CACNA1B: variants seen among roughly 807,000 people sequenced by gnomAD.
CACNA1B encodes the protein calcium voltage-gated channel subunit alpha1 B.
Under a neutral mutation model 247.2 loss-of-function variants are expected in CACNA1B, and 70 were observed. The observed-to-expected ratio is 0.28, with a 90% CI of 0.23 to 0.35. The LOEUF is 0.35. CACNA1B is among the 10% of genes least tolerant of loss of function. The pLI is 1.00. For missense variants in CACNA1B, 2,367 were observed against 3,197.4 expected (o/e 0.74, Z 6.26); for synonymous variants, 1,231 against 1,294.4 (o/e 0.95, Z 1.05).
At chr9:137,945,754 CTT>C (rs1355842655) in intron 6 of CACNA1B, among the ~76,000 whole-genome samples, 1 of 152,196 alleles carries the variant, frequency 6.6e-6, no homozygotes, top group Non-Finnish European at 1.5e-5. Context: ...TTTCACAAAT[CTT>C]TTTCACGACT....
At chr9:138,075,664 A>G (rs1960289523) in intron 34 of CACNA1B, among the ~76,000 whole-genome samples, 155 bp from the exon 35 acceptor site, 1 of 152,198 alleles carries the variant, frequency 6.6e-6, no homozygotes, top group African/African-American at 2.4e-5. Context: ...GGGAATGCAC[A>G]CTGGCCTCTC....
intron 6 of CACNA1B, among the ~76,000 whole-genome samples, chr9:137,949,085 GTGTGGTGT>G (rs1957837385): frequency 5.3e-5 from 1 of 18,972 alleles, no homozygotes. Context: ...TGTGGTGTGT[GTGTGGTGT>G]GTGCATGTTT....
chr9:137,970,102 C>T (rs1287201708), intron 10 of CACNA1B, among the ~76,000 whole-genome samples: 1 of 152,084 alleles, frequency 6.6e-6, no homozygotes. Context: ...ACTGCCCCTG[C>T]TCTTTTGTGC....
chr9:138,060,209 A>T (rs1564265942), intron 31 of CACNA1B, among the ~76,000 whole-genome samples: 2 of 152,222 alleles, frequency 1.3e-5, no homozygotes, highest in Middle Eastern at 3.2e-3. Flanking sequence ...CAGTGCTGGG[A>T]TATAAACTTG....
rs1957390695 is a variant in CACNA1B at position 137,914,529 on chromosome 9, C to T, written c.623-125C>T. 4.0e-6 allele frequency: 3 copies of T among 752,360 alleles called. No homozygotes were observed. Among genetic ancestry groups the T allele is most frequent in the Non-Finnish European group, 4.4e-6 (2 of 458,178 alleles). 46.6% of individuals were successfully genotyped at this position (752,360 alleles called of 1,614,324 possible). A position where few individuals can be genotyped will look rare whatever the true frequency, so the allele number is the denominator to read the frequency against. ...GCTTCAGCTCTATCCTTTGCCCTTG[C>T]AAGCACTCACTGCTTAGCACCTTGC... On this transcript the variant is annotated intron_variant, in intron 4 of 46. Coordinates refer to ENST00000371372, the MANE Select transcript of CACNA1B (RefSeq NM_000718.4). This position sits in a 1 kb window ranked among gnomAD's most constrained non-coding sequence, Gnocchi z 4.3.
chr9:137,925,422 C>CT (rs1398578846), intron 6 of CACNA1B, among the ~76,000 whole-genome samples: 3 of 152,168 alleles, frequency 2.0e-5, no homozygotes, highest in Admixed American at 2.0e-4. Context: ...TCTCTGGCCA[C>CT]GTTTTGGGTG....
chr9:137,970,892 C>T (rs1232595290), intron 10 of CACNA1B, among the ~76,000 whole-genome samples: 2 of 152,214 alleles, frequency 1.3e-5, no homozygotes, highest in African/African-American at 4.8e-5. Context: ...ATGAGCTTGG[C>T]TGTGTTCCAG....
At position 138,054,110 on chromosome 9, in the gene CACNA1B, C is replaced by G. The variant is rs1959404620; in HGVS notation, c.3968+104C>G. 9.1e-7 allele frequency: 1 copy of G among 1,098,460 alleles called. No individual in the cohort carries two copies. Among genetic ancestry groups the G allele is most frequent in the Middle Eastern group, 2.7e-4 (1 of 3,646 alleles). The allele number at this position is 1,098,460 out of a possible 1,614,324, so 68.0% of individuals were successfully genotyped here. A position where few individuals can be genotyped will look rare whatever the true frequency, so the allele number is the denominator to read the frequency against. On this transcript the variant is annotated intron_variant, in intron 26 of 46. Coordinates refer to ENST00000371372, the MANE Select transcript of CACNA1B (RefSeq NM_000718.4). The surrounding 1 kb of genome is among the most constrained non-coding windows in gnomAD (Gnocchi z 4.6). ...GGAGCTGGTCACACGGCGTGGGAGACTCCACTGCAGAGCATCACGGACCCT... is the reference window on the plus strand; with the variant it reads ...GGAGCTGGTCACACGGCGTGGGAGAGTCCACTGCAGAGCATCACGGACCCT...
chr9:137,923,310 G>T (rs566227817), intron 6 of CACNA1B, among the ~76,000 whole-genome samples: 1 of 150,726 alleles, frequency 6.6e-6, no homozygotes, highest in East Asian at 2.0e-4. Flanking sequence ...GTGCCAGGTA[G>T]TATTCCGTGG....
chr9:137,929,381 C>T (rs796081121), intron 6 of CACNA1B, among the ~76,000 whole-genome samples: 1 of 151,562 alleles, frequency 6.6e-6, no homozygotes. Flanking sequence ...TAGCAAGACC[C>T]TGTCTCTACA....
chr9:137,966,944 C>T (rs1440340520), intron 10 of CACNA1B, among the ~76,000 whole-genome samples: 2 of 151,116 alleles, frequency 1.3e-5, no homozygotes, highest in Non-Finnish European at 2.9e-5. Context: ...TGTGCACCAC[C>T]ATGCCTGGCT....
intron 15 of CACNA1B, among the ~76,000 whole-genome samples, chr9:138,002,192 G>A (rs889312326): frequency 6.6e-6 from 1 of 152,098 alleles, no homozygotes; most frequent in Non-Finnish European, 1.5e-5. Context: ...ACAGACCAGA[G>A]AACCTGGAAA....
At chr9:138,013,828 G>A (rs1564238457) in intron 18 of CACNA1B, among the ~76,000 whole-genome samples, 2 of 152,260 alleles carry the variant, frequency 1.3e-5, no homozygotes, top group South Asian at 4.1e-4. Context: ...GCTGTGGGGA[G>A]GTCAGTCCCT....
At chr9:137,903,572 C>G (rs757670160) in intron 3 of CACNA1B, among the ~76,000 whole-genome samples, 1 of 152,152 alleles carries the variant, frequency 6.6e-6, no homozygotes, top group Non-Finnish European at 1.5e-5. Flanking sequence ...AACGTTTTGC[C>G]TACTTAGTTT....
Position 138,123,248 on chromosome 9 carries a change from C to T in CACNA1B, c.*1249C>T, listed in dbSNP as rs1962160728. The T allele has an allele frequency of 6.6e-6, 1 of 152,260 alleles. No individual in the cohort carries two copies. The highest frequency in any genetic ancestry group is 1.5e-5 in the Non-Finnish European group (1 of 68,082). The allele number at this position is 152,260 out of a possible 1,614,324, so 9.4% of individuals were successfully genotyped here. A position where few individuals can be genotyped will look rare whatever the true frequency, so the allele number is the denominator to read the frequency against. ...GCCCCAGCTGGAATGAAACTCAGAG[C>T]AAGTGACCGAGGGAGGACACGGCTC... On this transcript the variant is annotated 3_prime_UTR_variant, in exon 47 of 47. Coordinates refer to ENST00000371372, the MANE Select transcript of CACNA1B (RefSeq NM_000718.4).
chr9:137,927,746 C>T (rs771690146), intron 6 of CACNA1B, among the ~76,000 whole-genome samples: 34 of 152,104 alleles, frequency 2.2e-4, no homozygotes, highest in Non-Finnish European at 3.8e-4. Flanking sequence ...GTTAGCTGTA[C>T]GGTTGAGTTG....
intron 20 of CACNA1B, among the ~76,000 whole-genome samples, chr9:138,027,390 TCC>T (rs1958934277): frequency 2.0e-5 from 3 of 152,204 alleles, no homozygotes; most frequent in African/African-American, 7.2e-5. Flanking sequence ...TTTCACTGAT[TCC>T]CCCTTTTTTT....
rs1050393333 is a variant in CACNA1B, at chr9:137,955,266, G to A, written c.1071-432G>A. Among the ~76,000 whole-genome samples the A allele has an allele frequency of 1.3e-5, 2 of 152,172 alleles. No individual in the cohort carries two copies. The highest frequency in any genetic ancestry group is 6.5e-5 in the Admixed American group (1 of 15,292). On this transcript the variant is annotated intron_variant, in intron 7 of 46. Transcript: ENST00000371372. This position sits in a 1 kb window ranked among gnomAD's most constrained non-coding sequence, Gnocchi z 6.9. ...AACCAACAGAGGAAGCAAAGTGAACGTTCTCCTCTGGAGAATTCTCGCCAG... is the reference window on the plus strand; with the variant it reads ...AACCAACAGAGGAAGCAAAGTGAACATTCTCCTCTGGAGAATTCTCGCCAG...
chr9:138,042,031 A>C (rs1288724252), intron 20 of CACNA1B, among the ~76,000 whole-genome samples: 3 of 152,170 alleles, frequency 2.0e-5, no homozygotes, highest in Non-Finnish European at 4.4e-5. Context: ...TTGGCCTCCC[A>C]ACGTGCTGGG....
Sources: gnomAD v4.1 joint callset for allele counts (sites outside exome capture counted in the v4.1 genomes callset) on GRCh38, gnomAD v4.1.1 for gene constraint, Gnocchi (gnomAD v3.1) non-coding constraint, MANE v1.5 for transcripts, NCBI Gene and HGNC (gene_info 2026-07-23, HGNC 2026-07-21) for gene names.